Variants in IPO11 observed in about 807,000 individuals in gnomAD.
The protein encoded by IPO11 is importin 11, also known as importin-11.
In IPO11, 66 loss-of-function variants were observed where a neutral mutation model predicts 143.2. That is an observed-to-expected ratio of 0.46 (90% confidence interval 0.38 to 0.57). The LOEUF (loss-of-function observed/expected upper bound fraction) is 0.57, where lower values mean the gene tolerates loss of function less well. IPO11 is among the 20% of genes least tolerant of loss of function. The pLI is 0.00. For missense variants in IPO11, 1,026 were observed against 1,141.0 expected, an observed-to-expected ratio of 0.90 and a Z score of 1.45; for synonymous variants, 385 against 377.8, an observed-to-expected ratio of 1.02 and a Z score of -0.22.
At chr5:62,541,092 C>G (rs1290416575) in intron 24 of IPO11, among the ~76,000 whole-genome samples, 2 of 152,160 alleles carry the variant, frequency 1.3e-5, no homozygotes, top group African/African-American at 4.8e-5. Flanking sequence ...ATTTTGGTCG[C>G]CAGGTGCCGT....
intron 5 of IPO11, among the ~76,000 whole-genome samples, chr5:62,465,540 T>A (rs1194447189): frequency 1.3e-5 from 2 of 152,240 alleles, no homozygotes; most frequent in African/African-American, 4.8e-5. Flanking sequence ...CTTTTTATGA[T>A]ACAGTGGTTT....
chr5:62,418,070 A>G (rs1249480944), intron 1 of IPO11, among the ~76,000 whole-genome samples: 3 of 152,080 alleles, frequency 2.0e-5, no homozygotes, highest in Admixed American at 6.6e-5. Context: ...GTCTCACCGC[A>G]ACCTCTGCCT....
intron 27 of IPO11, among the ~76,000 whole-genome samples, chr5:62,589,930 T>A (rs1744950393): frequency 6.6e-6 from 1 of 152,178 alleles, no homozygotes; most frequent in Non-Finnish European, 1.5e-5. Context: ...AGATGACTTC[T>A]TCCAAAAGAT....
intron 21 of IPO11, among the ~76,000 whole-genome samples, chr5:62,528,988 A>G (rs1353318372): frequency 6.6e-6 from 1 of 152,086 alleles, no homozygotes; most frequent in Non-Finnish European, 1.5e-5. Flanking sequence ...TTCAAAAACA[A>G]CCTTTGGCTT....
At chr5:62,596,374 A>G (rs2112436628) in intron 28 of IPO11, among the ~76,000 whole-genome samples, 1 of 152,208 alleles carries the variant, frequency 6.6e-6, no homozygotes, top group Non-Finnish European at 1.5e-5. Context: ...AAAGTACAAA[A>G]CATACCAAGT....
chr5:62,468,071 C>T (rs146466116), intron 6 of IPO11, among the ~76,000 whole-genome samples: 7 of 152,248 alleles, frequency 4.6e-5, no homozygotes, highest in African/African-American at 1.7e-4. Context: ...CTGCAGCTTC[C>T]TGAGTAACTG....
intron 2 of IPO11, among the ~76,000 whole-genome samples, chr5:62,438,084 CA>C (rs927098136): frequency 5.6e-4 from 86 of 152,228 alleles, no homozygotes; most frequent in African/African-American, 2.1e-3. Flanking sequence ...CTGGTCAGGG[CA>C]ACAAAGCTCC....
intron 22 of IPO11, among the ~76,000 whole-genome samples, chr5:62,534,986 T>C (rs1742685148): frequency 6.6e-6 from 1 of 150,888 alleles, no homozygotes; most frequent in African/African-American, 2.4e-5. Flanking sequence ...AACAGATAAA[T>C]TTGTTAATTT....
chr5:62,458,147 A>C lies in IPO11; in HGVS notation c.516+6214A>C, dbSNP rs1256662398. Reference sequence around the variant, plus strand: ...GGGCGACAGAGCGAGACTCTGTCTCAAAAAAAAAAAAAAAAAAAGATAAAT... The same window carrying C: ...GGGCGACAGAGCGAGACTCTGTCTCCAAAAAAAAAAAAAAAAAAGATAAAT... On this transcript the variant is annotated intron_variant, in intron 5 of 29. Transcript: ENST00000325324. Among the ~76,000 whole-genome samples, 23 of 114,272 alleles carry C rather than the reference A, an allele frequency of 2.0e-4. No individual in the cohort carries two copies. In the East Asian group the frequency reaches 5.9e-3, roughly 29 times the overall value. 75.0% of individuals were successfully genotyped at this position (114,272 alleles called of 152,430 possible). A position where few individuals can be genotyped will look rare whatever the true frequency, so the allele number is the denominator to read the frequency against.
chr5:62,580,939 G>C (rs778812439), intron 27 of IPO11: 1 of 1,551,188 alleles, frequency 6.4e-7, no homozygotes, highest in African/African-American at 1.4e-5. Flanking sequence ...AAAAAACAGT[G>C]CTCTACCGAA....
chr5:62,478,726 C>T (rs904204582), intron 9 of IPO11, among the ~76,000 whole-genome samples: 4 of 152,112 alleles, frequency 2.6e-5, no homozygotes, highest in African/African-American at 4.8e-5. Context: ...TTGCTTGTGT[C>T]GCCACATGCT....
chr5:62,428,593 C>T (rs1743847954), intron 1 of IPO11, among the ~76,000 whole-genome samples: 1 of 152,106 alleles, frequency 6.6e-6, no homozygotes, highest in Admixed American at 6.5e-5. Flanking sequence ...CCACCCACCT[C>T]AGCCTCCCAA....
At chr5:62,451,474 A>G (rs191857704) in intron 4 of IPO11, among the ~76,000 whole-genome samples, 46 of 152,290 alleles carry the variant, frequency 3.0e-4, no homozygotes, top group Middle Eastern at 3.4e-3. Flanking sequence ...GTTGTGATAC[A>G]TGGTGGACAT....
chr5:62,446,957 A>C (rs1744739100), intron 3 of IPO11, among the ~76,000 whole-genome samples: 1 of 149,482 alleles, frequency 6.7e-6, no homozygotes, highest in South Asian at 2.1e-4. Flanking sequence ...ACAGAGCGAG[A>C]CTCTGACTGC....
intron 24 of IPO11, among the ~76,000 whole-genome samples, chr5:62,547,069 G>C (rs1457381723): frequency 2.0e-5 from 3 of 152,130 alleles, no homozygotes; most frequent in African/African-American, 7.2e-5. Context: ...GAATCTAACT[G>C]TTACGATGTT....
At chr5:62,427,255 A>C (rs153860) in intron 1 of IPO11, among the ~76,000 whole-genome samples, 13,741 of 151,920 alleles carry the variant, frequency 0.09, 675 homozygotes, top group East Asian at 0.14. Context: ...ATTTCTAACA[A>C]GCAGGAGTTT....
chr5:62,441,118 T>G (rs1450414655), intron 2 of IPO11, among the ~76,000 whole-genome samples: 18 of 152,328 alleles, frequency 1.2e-4, no homozygotes, highest in South Asian at 2.1e-4. Flanking sequence ...GTCATTATTA[T>G]TATTTGGATT....
chr5:62,613,041 A>G (rs916326302), intron 29 of IPO11, among the ~76,000 whole-genome samples: 1 of 152,226 alleles, frequency 6.6e-6, no homozygotes, highest in African/African-American at 2.4e-5. Context: ...CTACAGTCTG[A>G]TCAATGGGAT....
intron 2 of IPO11, among the ~76,000 whole-genome samples, chr5:62,439,052 C>T (rs1380540365): frequency 1.4e-5 from 2 of 146,018 alleles, no homozygotes; most frequent in Admixed American, 6.8e-5. Flanking sequence ...GAGTAAGACT[C>T]CATCTCAAAA....
Sources: gnomAD v4.1 joint callset for allele counts (sites outside exome capture counted in the v4.1 genomes callset) on GRCh38, gnomAD v4.1.1 for gene constraint, MANE v1.5 for transcripts, NCBI Gene and HGNC (gene_info 2026-07-23, HGNC 2026-07-21) for gene names.